FHIT: variants seen among roughly 807,000 people sequenced by gnomAD.
FHIT encodes bis(5'-adenosyl)-triphosphatase.
Under a neutral mutation model 17.9 loss-of-function variants are expected in FHIT, and 19 were observed. The observed-to-expected ratio is 1.06, with a 90% CI of 0.74 to 1.56. The LOEUF is 1.56. FHIT is among the 40% of genes most tolerant of loss of function. The pLI is 0.00. For synonymous variants in FHIT, 81 were observed against 69.7 expected (o/e 1.16, Z -0.81); for missense variants, 248 against 189.2 (o/e 1.31, Z -1.82).
intron 2 of FHIT, among the ~76,000 whole-genome samples, chr3:61,167,317 C>T (rs2037867516): frequency 6.6e-6 from 1 of 151,416 alleles, no homozygotes; most frequent in Non-Finnish European, 1.5e-5. Flanking sequence ...ACAGCTACTG[C>T]CAAAAACTTG....
intron 5 of FHIT, among the ~76,000 whole-genome samples, chr3:60,423,450 T>C (rs763541086): frequency 1.3e-5 from 2 of 152,178 alleles, no homozygotes; most frequent in Non-Finnish European, 2.9e-5. Flanking sequence ...AGCATGCTTA[T>C]ATAATTATCA....
intron 5 of FHIT, among the ~76,000 whole-genome samples, chr3:60,505,912 A>C (rs941002185): frequency 5.3e-5 from 8 of 152,180 alleles, no homozygotes; most frequent in African/African-American, 1.9e-4. Context: ...CATTAACCCC[A>C]CAGTTACCAA....
intron 5 of FHIT, among the ~76,000 whole-genome samples, chr3:60,083,801 T>C (rs1703387076): frequency 6.6e-6 from 1 of 152,220 alleles, no homozygotes; most frequent in Admixed American, 6.5e-5. Context: ...TGAAACTTTA[T>C]TTACAAAAAC....
At chr3:60,113,065 C>A (rs1186656664) in intron 5 of FHIT, among the ~76,000 whole-genome samples, 2 of 152,206 alleles carry the variant, frequency 1.3e-5, no homozygotes, top group Non-Finnish European at 2.9e-5. Context: ...ACCATCCAAT[C>A]TCAAGTAGCC....
intron 5 of FHIT, among the ~76,000 whole-genome samples, chr3:60,062,292 T>G (rs990362128): frequency 2.6e-5 from 4 of 152,078 alleles, no homozygotes; most frequent in Non-Finnish European, 5.9e-5. Flanking sequence ...AGAGTGGAAA[T>G]GTATTCTATG....
intron 8 of FHIT, among the ~76,000 whole-genome samples, chr3:59,757,316 A>C (rs894754845): frequency 6.6e-6 from 1 of 152,230 alleles, no homozygotes; most frequent in African/African-American, 2.4e-5. Flanking sequence ...CTTTGAAAAG[A>C]GATTTAAAAC....
intron 8 of FHIT, among the ~76,000 whole-genome samples, chr3:59,917,518 A>G (rs1705189340): frequency 6.6e-6 from 1 of 152,206 alleles, no homozygotes; most frequent in African/African-American, 2.4e-5. Flanking sequence ...CATTACCATA[A>G]TCTTCATCAA....
At chr3:60,507,727 T>C (rs899710757) in intron 5 of FHIT, among the ~76,000 whole-genome samples, 1 of 152,124 alleles carries the variant, frequency 6.6e-6, no homozygotes, top group African/African-American at 2.4e-5. Flanking sequence ...CCATATGTCC[T>C]TGTGTTCTCA....
intron 8 of FHIT, among the ~76,000 whole-genome samples, chr3:59,854,677 T>C (rs1702080029): frequency 6.6e-6 from 1 of 152,178 alleles, no homozygotes; most frequent in Non-Finnish European, 1.5e-5. Flanking sequence ...GGAATAGAAT[T>C]GTTTTTCACA....
chr3:60,395,408 T>C (rs1030684234), intron 5 of FHIT, among the ~76,000 whole-genome samples: 1 of 152,184 alleles, frequency 6.6e-6, no homozygotes, highest in Non-Finnish European at 1.5e-5. Context: ...CACCCAGCTT[T>C]TAGGCGGTAT....
At chr3:59,941,115 G>A (rs1381962683) in intron 7 of FHIT, among the ~76,000 whole-genome samples, 1 of 152,174 alleles carries the variant, frequency 6.6e-6, no homozygotes, top group Non-Finnish European at 1.5e-5. Flanking sequence ...TCAATGTTAA[G>A]AGACTGCAAA....
intron 5 of FHIT, among the ~76,000 whole-genome samples, chr3:60,099,967 G>A (rs183822490): frequency 3.3e-5 from 5 of 152,282 alleles, no homozygotes; most frequent in Admixed American, 3.3e-4. Context: ...AATGGTTGTG[G>A]TGTGTGTTGA....
chr3:59,975,400 G>T (rs927631521), intron 7 of FHIT, among the ~76,000 whole-genome samples: 1 of 152,066 alleles, frequency 6.6e-6, no homozygotes, highest in African/African-American at 2.4e-5. Context: ...GGGCTACTAT[G>T]AAATGTAATG....
At chr3:60,387,853 A>G (rs1351596112) in intron 5 of FHIT, among the ~76,000 whole-genome samples, 1 of 152,122 alleles carries the variant, frequency 6.6e-6, no homozygotes, top group East Asian at 1.9e-4. Context: ...TTAAGGCTCG[A>G]TGACAGGTGT....
chr3:60,648,690 C>T (rs1553687443), intron 4 of FHIT, among the ~76,000 whole-genome samples: 2 of 152,166 alleles, frequency 1.3e-5, no homozygotes, highest in East Asian at 3.8e-4. Context: ...TCTTGTTCTG[C>T]AAAACTCTCC....
intron 4 of FHIT, among the ~76,000 whole-genome samples, chr3:60,810,345 A>C (rs1365734632): frequency 5.3e-5 from 8 of 152,228 alleles, no homozygotes; most frequent in African/African-American, 1.9e-4. Context: ...AGTTAAAAGC[A>C]AACTGAAATA....
intron 8 of FHIT, among the ~76,000 whole-genome samples, chr3:59,839,299 C>T (rs1384583443): frequency 7.1e-6 from 1 of 140,694 alleles, no homozygotes; most frequent in African/African-American, 2.6e-5. Context: ...ACATGGGCAA[C>T]AGAGCGAGAC....
chr3:61,159,180 C>T (rs1409398149), intron 2 of FHIT, among the ~76,000 whole-genome samples: 3 of 152,132 alleles, frequency 2.0e-5, no homozygotes, highest in Non-Finnish European at 2.9e-5. Flanking sequence ...CAAAGTAATG[C>T]TATTTGAGAT....
chr3:60,687,053 C>A (rs1270665722), intron 4 of FHIT, among the ~76,000 whole-genome samples: 1 of 152,160 alleles, frequency 6.6e-6, no homozygotes, highest in Non-Finnish European at 1.5e-5. Context: ...CACAAGCACT[C>A]ATCTCATTTG....
Sources: allele counts gnomAD v4.1 joint callset (sites outside exome capture counted in the v4.1 genomes callset), GRCh38; gene constraint gnomAD v4.1.1; transcripts MANE v1.5; gene names NCBI Gene and HGNC (gene_info 2026-07-23, HGNC 2026-07-21).